SGMS1: variants seen among roughly 807,000 people sequenced by gnomAD.
SGMS1 encodes sphingomyelin synthase 1, also known as phosphatidylcholine:ceramide cholinephosphotransferase 1.
In SGMS1, 13 loss-of-function variants were observed where a neutral mutation model predicts 46.2. The observed-to-expected ratio is 0.28, with a 90% CI of 0.18 to 0.45. SGMS1 has a LOEUF of 0.45. SGMS1 is among the 20% of genes least tolerant of loss of function. The probability of loss-of-function intolerance (pLI) is 1.00; values close to 1 mark genes in which losing one functional copy is unlikely to be tolerated. For missense variants in SGMS1, 324 were observed against 519.9 expected (o/e 0.62, Z 3.66); for synonymous variants, 203 against 187.8 (o/e 1.08, Z -0.66).
intron 7 of SGMS1, chr10:50,341,337 G>A (rs1384382234): frequency 2.2e-6 from 1 of 455,986 alleles, no homozygotes; most frequent in South Asian, 1.5e-5. Flanking sequence ...AGAGGTCACA[G>A]GGAGAGAGAC....
At chr10:50,611,199 A>C (rs1838746186) in intron 1 of SGMS1, among the ~76,000 whole-genome samples, 1 of 152,176 alleles carries the variant, frequency 6.6e-6, no homozygotes, top group Non-Finnish European at 1.5e-5. Flanking sequence ...GCCACCCAGG[A>C]GAGGAAAGGG....
At chr10:50,336,788 T>A (rs973204864) in intron 7 of SGMS1, among the ~76,000 whole-genome samples, 4 of 152,182 alleles carry the variant, frequency 2.6e-5, no homozygotes, top group African/African-American at 9.7e-5. Context: ...CTTCTCCAAG[T>A]CTCAGTTTTC....
At chr10:50,594,524 T>C (rs1448080869) in intron 1 of SGMS1, among the ~76,000 whole-genome samples, 2 of 152,246 alleles carry the variant, frequency 1.3e-5, no homozygotes, top group Non-Finnish European at 2.9e-5. Context: ...GGTTTTTTAA[T>C]ATTTTTACCT....
At chr10:50,476,557 A>C (rs973808063) in intron 3 of SGMS1, among the ~76,000 whole-genome samples, 1 of 152,210 alleles carries the variant, frequency 6.6e-6, no homozygotes, top group East Asian at 1.9e-4. Context: ...CTGAACGTTA[A>C]TAGCCAACAC....
chr10:50,550,572 TAC>T (rs1162647614), intron 2 of SGMS1, among the ~76,000 whole-genome samples: 3 of 152,140 alleles, frequency 2.0e-5, no homozygotes, highest in African/African-American at 7.2e-5. Flanking sequence ...CAGACTCCTA[TAC>T]TATCTATCCC....
At chr10:50,398,490 T>C (rs1023697694) in intron 6 of SGMS1, among the ~76,000 whole-genome samples, 1 of 152,202 alleles carries the variant, frequency 6.6e-6, no homozygotes, top group Non-Finnish European at 1.5e-5. Context: ...AGAACGTTTG[T>C]AAGCAATTTG....
intron 1 of SGMS1, among the ~76,000 whole-genome samples, chr10:50,621,246 C>T (rs918387804): frequency 5.9e-5 from 9 of 152,028 alleles, no homozygotes; most frequent in African/African-American, 2.2e-4. Flanking sequence ...GTTTTCATGA[C>T]GTATGTTAAC....
At position 50,371,248 on chromosome 10, in the gene SGMS1, T is replaced by C. The variant is rs900521116; in HGVS notation, c.-231-26903A>G. On this transcript the variant is annotated intron_variant, in intron 6 of 10. Transcript: ENST00000361781. ...CCACCATTGTACAGATAATTTGTCATTGACCAAAATGTCGTTATGCCACGC... is the reference window on the plus strand; with the variant it reads ...CCACCATTGTACAGATAATTTGTCACTGACCAAAATGTCGTTATGCCACGC... Among the ~76,000 whole-genome samples the C allele has an allele frequency of 5.9e-5, 9 of 152,200 alleles. 1 individual carries two copies. The highest frequency in any genetic ancestry group is 1.3e-4 in the Non-Finnish European group (9 of 68,038).
intron 8 of SGMS1, among the ~76,000 whole-genome samples, chr10:50,319,107 T>C (rs770390281): frequency 6.6e-6 from 1 of 151,084 alleles, no homozygotes; most frequent in Admixed American, 6.6e-5. Context: ...TCACATCTCC[T>C]TTAAGTGTTG....
intron 6 of SGMS1, among the ~76,000 whole-genome samples, chr10:50,390,137 A>G (rs1801010799): frequency 6.6e-6 from 1 of 152,266 alleles, no homozygotes; most frequent in Non-Finnish European, 1.5e-5. Context: ...GATGGTTAAA[A>G]TATCTGCAAT....
At chr10:50,351,768 C>T (rs1211869063) in intron 6 of SGMS1, among the ~76,000 whole-genome samples, 1 of 152,160 alleles carries the variant, frequency 6.6e-6, no homozygotes, top group Non-Finnish European at 1.5e-5. Flanking sequence ...CTTTTTCTTC[C>T]CAGGCTCGGG....
intron 3 of SGMS1, among the ~76,000 whole-genome samples, chr10:50,509,161 A>G (rs1837732841): frequency 6.6e-6 from 1 of 152,234 alleles, no homozygotes. Context: ...ATCTGTCCCA[A>G]AAGGATAGAA....
At chr10:50,341,018 C>T (rs1847810139) in intron 7 of SGMS1, among the ~76,000 whole-genome samples, 1 of 152,142 alleles carries the variant, frequency 6.6e-6, no homozygotes, top group Admixed American at 6.5e-5. Flanking sequence ...AGTGGCACAC[C>T]TCCTAGTGGA....
chr10:50,615,742 G>C (rs1838790728), intron 1 of SGMS1, among the ~76,000 whole-genome samples: 1 of 152,132 alleles, frequency 6.6e-6, no homozygotes. Context: ...ATTCTACTTG[G>C]TTTCTCCAGC....
chr10:50,331,448 T>C (rs956736670), intron 7 of SGMS1, among the ~76,000 whole-genome samples: 12 of 152,232 alleles, frequency 7.9e-5, no homozygotes, highest in African/African-American at 2.9e-4. Context: ...AAAATCTACT[T>C]AATGACTATA....
At chr10:50,482,390 T>A (rs2133722203) in intron 3 of SGMS1, among the ~76,000 whole-genome samples, 2 of 152,308 alleles carry the variant, frequency 1.3e-5, no homozygotes, top group Admixed American at 1.3e-4. Context: ...GAAAAGAATT[T>A]CCAACCCAGA....
At chr10:50,360,262 C>T (rs1848225467) in intron 6 of SGMS1, among the ~76,000 whole-genome samples, 1 of 152,118 alleles carries the variant, frequency 6.6e-6, no homozygotes, top group South Asian at 2.1e-4. Context: ...AATCTGAATC[C>T]AAGTGCATAA....
chr10:50,577,908 T>C (rs1171375746), intron 2 of SGMS1, among the ~76,000 whole-genome samples: 2 of 152,214 alleles, frequency 1.3e-5, no homozygotes, highest in African/African-American at 4.8e-5. Flanking sequence ...TTCTGTTATC[T>C]AATCAGCGCC....
At chr10:50,597,424 C>A (rs1192354804) in intron 1 of SGMS1, among the ~76,000 whole-genome samples, 1 of 152,166 alleles carries the variant, frequency 6.6e-6, no homozygotes, top group Admixed American at 6.5e-5. Context: ...ATCCATACAA[C>A]AGAATACTAG....
Sources: allele counts gnomAD v4.1 joint callset (sites outside exome capture counted in the v4.1 genomes callset), GRCh38; gene constraint gnomAD v4.1.1; transcripts MANE v1.5; gene names NCBI Gene and HGNC (gene_info 2026-07-23, HGNC 2026-07-21).